TBC1D23: variants seen among roughly 807,000 people sequenced by gnomAD.
The protein encoded by TBC1D23 is TBC1 domain family member 23.
TBC1D23 carries 55 observed loss-of-function variants against 91.4 expected under a neutral mutation model. The ratio of observed to expected loss-of-function variants is 0.60; its 90% confidence interval spans 0.48 to 0.75. The LOEUF (loss-of-function observed/expected upper bound fraction) is 0.75. TBC1D23 is among the 30% of genes least tolerant of loss of function. The pLI is 0.00. For synonymous variants in TBC1D23, 289 were observed against 281.0 expected, an observed-to-expected ratio of 1.03 and a Z score of -0.28; for missense variants, 725 against 836.1, an observed-to-expected ratio of 0.87 and a Z score of 1.64.
chr3:100,295,430 G>A, intron 7 of TBC1D23, 82 bp downstream of exon 7: 1 of 1,163,092 alleles, frequency 8.6e-7, no homozygotes, highest in Non-Finnish European at 1.2e-6. Flanking sequence ...CGTAAATTTA[G>A]GAGATTAGTC....
At chr3:100,289,640 C>A (rs768708646) in intron 4 of TBC1D23, among the ~76,000 whole-genome samples, 1 of 152,158 alleles carries the variant, frequency 6.6e-6, no homozygotes, top group Non-Finnish European at 1.5e-5. Context: ...GCTGCTGTGA[C>A]CCGTGGCAGA....
chr3:100,296,324 T>C, intron 8 of TBC1D23, 49 bp downstream of exon 8: 1 of 1,044,190 alleles, frequency 9.6e-7, no homozygotes. Context: ...ATTTTGTACA[T>C]TGTTTTATTA....
At chr3:100,307,018 T>C (rs1171155939) in intron 13 of TBC1D23, among the ~76,000 whole-genome samples, 1 of 152,232 alleles carries the variant, frequency 6.6e-6, no homozygotes, top group Non-Finnish European at 1.5e-5. Flanking sequence ...TGATTTGGAC[T>C]TGAGTCTATC....
At chr3:100,298,114 GT>G (rs1429575783) in intron 9 of TBC1D23, 69 bp downstream of exon 9, 1 of 1,369,420 alleles carries the variant, frequency 7.3e-7, no homozygotes, top group Non-Finnish European at 1.0e-6. Flanking sequence ...CTTCCTCCCT[GT>G]TCATTGATTC....
In TBC1D23 at chr3:100,290,575, T is replaced by C. The variant is rs1559806212; in HGVS notation, c.477-3T>C. The C allele has an allele frequency of 6.2e-7, 1 of 1,612,776 alleles. No homozygotes were observed. Among genetic ancestry groups the C allele is most frequent in the Non-Finnish European group, 8.5e-7 (1 of 1,179,596 alleles). On this transcript the variant is annotated splice_polypyrimidine_tract_variant and splice_region_variant and intron_variant, in intron 4 of 18. Transcript: ENST00000394144. The stretch of plus-strand genomic sequence containing the variant: ...AAAAAATTTTGCTTCTCTTGTCTTC[T>C]AGGGATTGTTCCCAGAAAGGGAGAC...
chr3:100,299,394 A>T lies in TBC1D23; in HGVS notation c.1092+63A>T. 4 of 989,818 alleles carry T rather than the reference A, an allele frequency of 4.0e-6. No homozygotes were observed. The South Asian group carries it at 6.1e-5, about 15-fold the overall frequency. The allele number at this position is 989,818 out of a possible 1,614,324, so 61.3% of individuals were successfully genotyped here. On this transcript the variant is annotated intron_variant, in intron 10 of 18. Coordinates refer to ENST00000394144, the MANE Select transcript of TBC1D23 (RefSeq NM_001199198.3). ...TTTTTTTCCTTCAGTTCATAAATAA[A>T]TATATAGGTCCCAGATTGGGGAATT...
intron 4 of TBC1D23, among the ~76,000 whole-genome samples, chr3:100,285,142 T>C (rs549297031): frequency 6.6e-6 from 1 of 152,378 alleles, no homozygotes; most frequent in East Asian, 1.9e-4. Flanking sequence ...ATAATTTATA[T>C]TCCATAAAAT....
At chr3:100,285,436 A>AT (rs2067732255) in intron 4 of TBC1D23, among the ~76,000 whole-genome samples, 1 of 152,036 alleles carries the variant, frequency 6.6e-6, no homozygotes, top group Non-Finnish European at 1.5e-5. Context: ...TTTTTGCCAA[A>AT]TTTTTTATTG....
chr3:100,262,158 T>TA (rs2067516530), intron 1 of TBC1D23, among the ~76,000 whole-genome samples: 3 of 152,228 alleles, frequency 2.0e-5, no homozygotes, highest in African/African-American at 7.2e-5. Flanking sequence ...AACTTCATGG[T>TA]GATCTAGATA....
intron 10 of TBC1D23, among the ~76,000 whole-genome samples, chr3:100,300,301 T>G (rs1205664202): frequency 6.6e-6 from 1 of 152,068 alleles, no homozygotes; most frequent in Admixed American, 6.6e-5. Flanking sequence ...CCAACTCGTC[T>G]GAAAAATTTG....
At chr3:100,295,421 G>A (rs1289562310) in intron 7 of TBC1D23, 73 bp downstream of exon 7, 8 of 1,239,678 alleles carry the variant, frequency 6.5e-6, no homozygotes, top group East Asian at 4.9e-5. Context: ...TTCCTCATTC[G>A]TAAATTTAGG....
intron 16 of TBC1D23, among the ~76,000 whole-genome samples, chr3:100,318,323 CTTAT>C (rs1576188432): frequency 6.6e-6 from 1 of 151,818 alleles, no homozygotes; most frequent in African/African-American, 2.4e-5. Flanking sequence ...TAAATTTTTA[CTTAT>C]TTATCTCAGG....
At chr3:100,262,744 A>C (rs1407476642) in intron 1 of TBC1D23, among the ~76,000 whole-genome samples, 4 of 151,302 alleles carry the variant, frequency 2.6e-5, no homozygotes, top group African/African-American at 7.3e-5. Flanking sequence ...AAAAAAAAAA[A>C]ACACTAAAAA....
chr3:100,284,639 G>A (rs1259548299), intron 4 of TBC1D23, among the ~76,000 whole-genome samples: 1 of 152,128 alleles, frequency 6.6e-6, no homozygotes, highest in Non-Finnish European at 1.5e-5. Context: ...AGACCAGACA[G>A]ATGTGCAGGT....
chr3:100,285,194 T>A (rs1237803007), intron 4 of TBC1D23, among the ~76,000 whole-genome samples: 1 of 152,240 alleles, frequency 6.6e-6, no homozygotes, highest in Non-Finnish European at 1.5e-5. Flanking sequence ...TTAATTATAG[T>A]CACAGAGTTG....
intron 1 of TBC1D23, among the ~76,000 whole-genome samples, chr3:100,263,625 T>G (rs1424957122): frequency 1.3e-5 from 2 of 152,230 alleles, no homozygotes; most frequent in African/African-American, 4.8e-5. Flanking sequence ...GTAAAAAAGT[T>G]TTTAACTAAT....
At chr3:100,287,928 C>T (rs574785762) in intron 4 of TBC1D23, among the ~76,000 whole-genome samples, 7 of 151,716 alleles carry the variant, frequency 4.6e-5, no homozygotes, top group South Asian at 2.1e-4. Flanking sequence ...TTAAAACACT[C>T]CTTATTAATG....
At chr3:100,322,295 G>T (rs1332341336) in intron 18 of TBC1D23, among the ~76,000 whole-genome samples, 1 of 151,960 alleles carries the variant, frequency 6.6e-6, no homozygotes, top group East Asian at 1.9e-4. Context: ...GGGTTTCACC[G>T]TGTTAGCCAG....
intron 13 of TBC1D23, among the ~76,000 whole-genome samples, chr3:100,310,155 C>T (rs1705601363): frequency 1.3e-5 from 2 of 152,164 alleles, no homozygotes; most frequent in Non-Finnish European, 2.9e-5. Flanking sequence ...GTGCTCATGT[C>T]TTTCTCTCTT....
Sources: gnomAD v4.1 joint callset for allele counts (sites outside exome capture counted in the v4.1 genomes callset) on GRCh38, gnomAD v4.1.1 for gene constraint, MANE v1.5 for transcripts, NCBI Gene and HGNC (gene_info 2026-07-23, HGNC 2026-07-21) for gene names.